PLXNA2: variants seen among roughly 807,000 people sequenced by gnomAD.
PLXNA2 encodes plexin-A2.
In PLXNA2, 91 loss-of-function variants were observed where a neutral mutation model predicts 193.5. That is an observed-to-expected ratio of 0.47 (90% CI 0.40 to 0.56). PLXNA2 has a LOEUF of 0.56. PLXNA2 is among the 20% of genes least tolerant of loss of function. The pLI is 0.00. For synonymous variants in PLXNA2, 997 were observed against 1,027.3 expected (o/e 0.97, Z 0.56); for missense variants, 1,995 against 2,503.2 (o/e 0.80, Z 4.33).
At chr1:208,112,734 T>C (rs1345067023) in intron 4 of PLXNA2, among the ~76,000 whole-genome samples, 1 of 152,154 alleles carries the variant, frequency 6.6e-6, no homozygotes, top group African/African-American at 2.4e-5. Flanking sequence ...CCAGCCCCTG[T>C]AACTGCCGTC....
intron 4 of PLXNA2, among the ~76,000 whole-genome samples, chr1:208,130,753 G>A (rs953764332): frequency 2.6e-5 from 4 of 151,972 alleles, no homozygotes; most frequent in East Asian, 1.9e-4. Context: ...CCTCCCTCCC[G>A]CAACAAACTC....
chr1:208,099,108 GA>G, intron 5 of PLXNA2, 139 bp from the exon 6 acceptor site: 1 of 1,044,776 alleles, frequency 9.6e-7, no homozygotes, highest in Non-Finnish European at 1.4e-6. Flanking sequence ...CTGTACTCCG[GA>G]GGGCCTTGGT....
chr1:208,199,275 G>A (rs1404806484), intron 3 of PLXNA2, among the ~76,000 whole-genome samples: 1 of 152,188 alleles, frequency 6.6e-6, no homozygotes, highest in Non-Finnish European at 1.5e-5. Context: ...GGTCAGGCCT[G>A]GTACAAGAAG....
chr1:208,225,456 C>T (rs531816710), intron 1 of PLXNA2, among the ~76,000 whole-genome samples: 16 of 152,266 alleles, frequency 1.1e-4, no homozygotes, highest in African/African-American at 3.9e-4. Context: ...GGGCCACAGG[C>T]ACCTGTCTAC....
At chr1:208,210,596 A>G in intron 2 of PLXNA2, 134 bp from the exon 3 acceptor site, 2 of 687,954 alleles carry the variant, frequency 2.9e-6, no homozygotes, top group Non-Finnish European at 4.8e-6. Flanking sequence ...CAGGGGCCCT[A>G]ATACAAGCTG....
At chr1:208,139,033 AAAAAC>A (rs1419871876) in intron 4 of PLXNA2, among the ~76,000 whole-genome samples, 2 of 152,240 alleles carry the variant, frequency 1.3e-5, no homozygotes, top group African/African-American at 4.8e-5. Flanking sequence ...ACTCTGTCTC[AAAAAC>A]AAAACAAAAC....
rs1558260225 is a variant in PLXNA2, at chr1:208,236,533, CG to C, written c.-81+7109del. On this transcript the variant is annotated intron_variant, in intron 1 of 31. Transcript: ENST00000367033. This position sits in a 1 kb window ranked among gnomAD's most constrained non-coding sequence, Gnocchi z 4.4. ...TAAAGGGTGGAGCACACTGCCTGGC[CG>C]GCTGCTCCCTCTAACCCCTGCTCAA... 6.6e-6 allele frequency among the ~76,000 whole-genome samples: 1 copy of C among 152,168 alleles called. No individual in the cohort carries two copies. The highest frequency in any genetic ancestry group is 1.5e-5 in the Non-Finnish European group (1 of 68,042).
At chr1:208,238,227 G>A (rs951978698) in intron 1 of PLXNA2, among the ~76,000 whole-genome samples, 10 of 152,236 alleles carry the variant, frequency 6.6e-5, no homozygotes, top group Non-Finnish European at 8.8e-5. Flanking sequence ...CTCTTCACTC[G>A]GAGCCCTGGG....
chr1:208,075,281 G>A (rs758356108), intron 12 of PLXNA2, among the ~76,000 whole-genome samples: 1 of 150,388 alleles, frequency 6.6e-6, no homozygotes, highest in African/African-American at 2.5e-5. Flanking sequence ...CTGCACTTCA[G>A]CCTGGGCGAT....
chr1:208,029,763 C>A (rs1231971941), intron 29 of PLXNA2: 3 of 985,588 alleles, frequency 3.0e-6, no homozygotes, highest in South Asian at 4.7e-5. Context: ...GAATTTATAA[C>A]CAGAGGAGAA....
At chr1:208,235,211 C>A (rs561668785) in intron 1 of PLXNA2, among the ~76,000 whole-genome samples, 1 of 152,312 alleles carries the variant, frequency 6.6e-6, no homozygotes, top group East Asian at 1.9e-4. Context: ...CCTTGCAGGG[C>A]CACTATTGGC....
rs542067095 is a variant in PLXNA2 at position 208,234,175 on chromosome 1, G to A, written c.-81+9468C>T. Among the ~76,000 whole-genome samples the A allele has an allele frequency of 1.8e-3, 273 of 152,200 alleles. 8 individuals carry two copies. The South Asian group carries it at 0.055, about 31-fold the overall frequency. ...CAAACAAATATCCTAGCAATTGGAG[G>A]GCAGTGAATGGCAGCTTGCTGTGTG... On this transcript the variant is annotated intron_variant, in intron 1 of 31. Transcript: ENST00000367033.
At chr1:208,101,623 T>G (rs535047545) in intron 5 of PLXNA2, among the ~76,000 whole-genome samples, 1 of 152,316 alleles carries the variant, frequency 6.6e-6, no homozygotes, top group South Asian at 2.1e-4. Context: ...ACCAGGTGGT[T>G]TGCGGCAGCG....
At chr1:208,033,610 T>TA in intron 27 of PLXNA2, 101 bp from the exon 28 acceptor site, 2 of 913,524 alleles carry the variant, frequency 2.2e-6, no homozygotes. Context: ...CCACTCAGAA[T>TA]AAACTCATTT....
intron 29 of PLXNA2, 153 bp downstream of exon 29, chr1:208,031,437 A>T: frequency 7.7e-7 from 1 of 1,298,708 alleles, no homozygotes; most frequent in Non-Finnish European, 1.0e-6. Flanking sequence ...GGCTCTGCAG[A>T]GCATATGTGC....
intron 4 of PLXNA2, among the ~76,000 whole-genome samples, chr1:208,134,113 T>C (rs1668236491): frequency 6.6e-6 from 1 of 152,206 alleles, no homozygotes; most frequent in Admixed American, 6.5e-5. Context: ...AATCATTTCT[T>C]TCCAAACCAA....
At chr1:208,158,578 G>A (rs866283366) in intron 3 of PLXNA2, among the ~76,000 whole-genome samples, 1 of 152,128 alleles carries the variant, frequency 6.6e-6, no homozygotes, top group South Asian at 2.1e-4. Flanking sequence ...TGGCCTTGCC[G>A]ACATCAGTTG....
chr1:208,116,521 C>T (rs1268921408), intron 4 of PLXNA2, among the ~76,000 whole-genome samples: 2 of 152,160 alleles, frequency 1.3e-5, no homozygotes, highest in African/African-American at 4.8e-5. Context: ...AGTATCCATT[C>T]GGTGACTTGA....
chr1:208,065,582 GA>G lies in PLXNA2; in HGVS notation c.2587-4746del, dbSNP rs1465998441. 5.9e-5 allele frequency among the ~76,000 whole-genome samples: 9 copies of G among 152,318 alleles called. No individual in the cohort carries two copies. In the East Asian group the frequency reaches 1.5e-3, roughly 26 times the overall value. On this transcript the variant is annotated intron_variant, in intron 12 of 31. Coordinates refer to ENST00000367033, the MANE Select transcript of PLXNA2 (RefSeq NM_025179.4). ...TAGATGACTAAAACATGGGATGTTAGAATTGGCAGGGTTAGAGATGATGGAA... is the reference window on the plus strand; with the variant it reads ...TAGATGACTAAAACATGGGATGTTAGATTGGCAGGGTTAGAGATGATGGAA...
Sources: gnomAD v4.1 joint callset for allele counts (sites outside exome capture counted in the v4.1 genomes callset) on GRCh38, gnomAD v4.1.1 for gene constraint, Gnocchi (gnomAD v3.1) non-coding constraint, MANE v1.5 for transcripts, NCBI Gene and HGNC (gene_info 2026-07-23, HGNC 2026-07-21) for gene names.